CDIN1: variants seen among roughly 807,000 people sequenced by gnomAD.
CDIN1 encodes the protein CDAN1 interacting nuclease 1, also known as CDAN1-interacting nuclease 1.
CDIN1 carries 33 observed loss-of-function variants against 45.3 expected under a neutral mutation model. The ratio of observed to expected loss-of-function variants is 0.73; its 90% CI spans 0.55 to 0.97. CDIN1 has a LOEUF of 0.97. CDIN1 is among the 50% of genes least tolerant of loss of function. The pLI is 0.00. For synonymous variants in CDIN1, 118 were observed against 124.4 expected, an observed-to-expected ratio of 0.95 and a Z score of 0.34; for missense variants, 303 against 339.4, an observed-to-expected ratio of 0.89 and a Z score of 0.84.
chr15:36,660,278 A>G (rs919105488), intron 5 of CDIN1, among the ~76,000 whole-genome samples: 1 of 152,110 alleles, frequency 6.6e-6, no homozygotes, highest in Non-Finnish European at 1.5e-5. Context: ...ATGGAGATCA[A>G]TAGAATTCTA....
chr15:36,733,711 G>A (rs1261750375), intron 10 of CDIN1, among the ~76,000 whole-genome samples: 2 of 152,050 alleles, frequency 1.3e-5, no homozygotes, highest in Admixed American at 1.3e-4. Context: ...GTTTGCTCTT[G>A]TAACAACTAT....
chr15:36,592,440 C>G (rs964933888), intron 1 of CDIN1, among the ~76,000 whole-genome samples: 1 of 152,206 alleles, frequency 6.6e-6, no homozygotes, highest in Admixed American at 6.5e-5. Flanking sequence ...TGCATTCTAT[C>G]GCCAGTCTGA....
At chr15:36,585,340 C>T (rs2037245758) in intron 1 of CDIN1, among the ~76,000 whole-genome samples, 6 of 152,154 alleles carry the variant, frequency 3.9e-5, no homozygotes, top group Admixed American at 3.9e-4. Flanking sequence ...ACTGATGTCC[C>T]TTTTCTAGGA....
intron 5 of CDIN1, among the ~76,000 whole-genome samples, chr15:36,662,738 A>G (rs1379913885): frequency 2.0e-5 from 3 of 152,188 alleles, no homozygotes; most frequent in Non-Finnish European, 4.4e-5. Context: ...GGATGGAAGA[A>G]AGGATAAAAC....
intron 10 of CDIN1, among the ~76,000 whole-genome samples, chr15:36,770,560 C>G (rs1013234938): frequency 1.5e-4 from 23 of 152,012 alleles, no homozygotes; most frequent in Admixed American, 1.3e-3. Context: ...GCAATCCCCC[C>G]ACCTCAGCCT....
chr15:36,601,455 A>AT (rs1305700854), intron 1 of CDIN1, among the ~76,000 whole-genome samples: 2 of 152,134 alleles, frequency 1.3e-5, no homozygotes, highest in Non-Finnish European at 2.9e-5. Context: ...TGGCATGGAT[A>AT]TTTTTGCAAA....
intron 10 of CDIN1, among the ~76,000 whole-genome samples, chr15:36,761,194 C>T (rs1398780184): frequency 6.6e-6 from 1 of 152,194 alleles, no homozygotes; most frequent in Non-Finnish European, 1.5e-5. Flanking sequence ...TGGAACAGGT[C>T]ACACTTTTCT....
chr15:36,660,420 T>G lies in CDIN1; in HGVS notation c.346+2515T>G, dbSNP rs532074412. Among the ~76,000 whole-genome samples the G allele has an allele frequency of 8.9e-4, 136 of 152,306 alleles. 1 individual carries two copies. The South Asian group carries it at 0.011, about 12-fold the overall frequency. On this transcript the variant is annotated intron_variant, in intron 5 of 10. Transcript: ENST00000566621. ...TTTTGGGGGTGGATTGTACTGTGTA[T>G]TTACTATTACTTTCATTAGATCAAT...
intron 10 of CDIN1, among the ~76,000 whole-genome samples, chr15:36,787,433 G>C (rs545372166): frequency 6.6e-6 from 1 of 152,316 alleles, no homozygotes; most frequent in Admixed American, 6.5e-5. Flanking sequence ...CATTAGCAAG[G>C]ATACTGTAAT....
intron 5 of CDIN1, among the ~76,000 whole-genome samples, chr15:36,679,996 C>T (rs145083488): frequency 5.3e-5 from 8 of 152,264 alleles, no homozygotes; most frequent in Non-Finnish European, 1.0e-4. Context: ...ACCCAAAAAA[C>T]GGAGGGTTAT....
intron 10 of CDIN1, among the ~76,000 whole-genome samples, chr15:36,760,716 G>A (rs1286347356): frequency 1.8e-5 from 2 of 111,624 alleles, no homozygotes; most frequent in Non-Finnish European, 4.0e-5. Context: ...TCTAAGAAAT[G>A]GTGGTGGTGG....
chr15:36,679,174 G>A (rs2041761599), intron 5 of CDIN1, among the ~76,000 whole-genome samples: 1 of 152,238 alleles, frequency 6.6e-6, no homozygotes, highest in African/African-American at 2.4e-5. Flanking sequence ...GTGTGTATGT[G>A]TGTATGGGCT....
intron 10 of CDIN1, among the ~76,000 whole-genome samples, chr15:36,798,029 A>G (rs929209345): frequency 6.7e-6 from 1 of 149,858 alleles, no homozygotes; most frequent in Non-Finnish European, 1.5e-5. Context: ...TATTAGCAAA[A>G]AAAAAAAAAA....
chr15:36,658,547 G>C (rs894244146), intron 5 of CDIN1, among the ~76,000 whole-genome samples: 1 of 152,072 alleles, frequency 6.6e-6, no homozygotes, highest in African/African-American at 2.4e-5. Flanking sequence ...TCTCAGTGCT[G>C]GCTCTTTTAC....
intron 1 of CDIN1, among the ~76,000 whole-genome samples, chr15:36,624,129 A>G (rs994323036): frequency 2.0e-5 from 3 of 152,204 alleles, no homozygotes; most frequent in Non-Finnish European, 4.4e-5. Flanking sequence ...AGTTACAAAT[A>G]GGTATTCTAG....
At chr15:36,676,220 A>G (rs1041118825) in intron 5 of CDIN1, among the ~76,000 whole-genome samples, 1 of 152,086 alleles carries the variant, frequency 6.6e-6, no homozygotes, top group African/African-American at 2.4e-5. Flanking sequence ...TCACCTACCT[A>G]TCCCTCTCCT....
At chr15:36,681,698 A>G (rs1420353638) in intron 5 of CDIN1, among the ~76,000 whole-genome samples, 1 of 152,216 alleles carries the variant, frequency 6.6e-6, no homozygotes, top group African/African-American at 2.4e-5. Context: ...TTAGACTGAC[A>G]TTAGAGTGCT....
intron 10 of CDIN1, among the ~76,000 whole-genome samples, chr15:36,719,925 AT>A (rs2043347780): frequency 6.6e-6 from 1 of 152,068 alleles, no homozygotes; most frequent in Non-Finnish European, 1.5e-5. Context: ...TGTTGAAAAT[AT>A]TCCCTTATTA....
chr15:36,799,864 C>CA (rs539231327), intron 10 of CDIN1: 2 of 152,130 alleles, frequency 1.3e-5, no homozygotes, highest in Non-Finnish European at 2.9e-5. Flanking sequence ...AGATTAAAGA[C>CA]AAAATCACTT....
Sources: allele counts gnomAD v4.1 joint callset (sites outside exome capture counted in the v4.1 genomes callset), GRCh38; gene constraint gnomAD v4.1.1; transcripts MANE v1.5; gene names NCBI Gene and HGNC (gene_info 2026-07-23, HGNC 2026-07-21).